The following MAP3K19 variants were observed in gnomAD, a reference collection of about 807,000 sequenced individuals.
MAP3K19 encodes mitogen-activated protein kinase kinase kinase 19.
In MAP3K19, 91 loss-of-function variants were observed where a neutral mutation model predicts 114.4. The ratio of observed to expected loss-of-function variants is 0.80; its 90% CI spans 0.67 to 0.95. The LOEUF (loss-of-function observed/expected upper bound fraction) is 0.95, where lower values mean the gene tolerates loss of function less well. MAP3K19 is among the 40% of genes least tolerant of loss of function. The pLI is 0.00. For synonymous variants in MAP3K19, 518 were observed against 530.5 expected, an observed-to-expected ratio of 0.98 and a Z score of 0.32; for missense variants, 1,471 against 1,573.2, an observed-to-expected ratio of 0.94 and a Z score of 1.10.
intron 1 of MAP3K19, among the ~76,000 whole-genome samples, chr2:135,044,498 G>C (rs1403905109): frequency 6.6e-6 from 1 of 152,206 alleles, no homozygotes; most frequent in African/African-American, 2.4e-5. Context: ...GCTGAGGCAG[G>C]AGAATCACTT....
Position 134,986,684 on chromosome 2 carries a change from A to G in MAP3K19, c.2188T>C (p.Phe730Leu), listed in dbSNP as rs1304861395. Residue 730 changes from phenylalanine (F) to leucine (L), a missense_variant, in exon 10 of 13, where the codon TTT becomes CTT. By Grantham distance (22) the Phe-to-Leu change is conservative. Coordinates refer to ENST00000392915, the MANE Select transcript of MAP3K19 (RefSeq NM_025052.5). Reference sequence around the variant, plus strand: ...ACTTTGTGCTCTTGTTTAATGCCAAATGAAGTCTTTGGGCATTTCATATGT... The same window carrying G: ...ACTTTGTGCTCTTGTTTAATGCCAAGTGAAGTCTTTGGGCATTTCATATGT... ...KTHMKCPKTS[F>L]GIKQEHKVLI... 2 of 1,614,158 alleles carry G rather than the reference A, an allele frequency of 1.2e-6. No individual in the cohort carries two copies. Among genetic ancestry groups the G allele is most frequent in the Admixed American group, 1.7e-5 (1 of 60,018 alleles).
intron 5 of MAP3K19, among the ~76,000 whole-genome samples, chr2:135,006,582 G>A (rs183579935): frequency 2.6e-5 from 4 of 152,068 alleles, no homozygotes; most frequent in African/African-American, 9.6e-5. Context: ...GGCTGAGGCG[G>A]GTGGATCACT....
intron 12 of MAP3K19, among the ~76,000 whole-genome samples, chr2:134,969,177 G>A (rs1470439537): frequency 1.5e-5 from 2 of 137,306 alleles, no homozygotes; most frequent in Non-Finnish European, 3.1e-5. Flanking sequence ...GCGAAACCCC[G>A]TCTCCACCAA....
At position 134,965,447 on chromosome 2, in the gene MAP3K19, A is replaced by G. The variant is rs998757836; in HGVS notation, c.3921-531T>C. Among the ~76,000 whole-genome samples, 6 of 152,206 alleles carry G rather than the reference A, an allele frequency of 3.9e-5. No homozygotes were observed. The East Asian group carries it at 9.6e-4, about 24-fold the overall frequency. On this transcript the variant is annotated intron_variant, in intron 12 of 12. Coordinates refer to ENST00000392915, the MANE Select transcript of MAP3K19 (RefSeq NM_025052.5). ...TAGAGGGAGACAGTTGTTCAGTACT[A>G]TTGTGGCATAGTTTTTTTCTTCAAG...
chr2:135,023,285 T>G, intron 4 of MAP3K19: 1 of 361,768 alleles, frequency 2.8e-6, no homozygotes, highest in Non-Finnish European at 5.6e-6. Context: ...CTTCTGATTC[T>G]CCTCCTCCTC....
At chr2:135,042,223 T>C (rs1028946042) in intron 1 of MAP3K19, among the ~76,000 whole-genome samples, 2 of 152,204 alleles carry the variant, frequency 1.3e-5, no homozygotes, top group Admixed American at 6.5e-5. Flanking sequence ...AGGCATTCAT[T>C]GCCAGGTAGT....
At chr2:134,995,394 C>T (rs924124532) in intron 8 of MAP3K19, among the ~76,000 whole-genome samples, 3 of 151,186 alleles carry the variant, frequency 2.0e-5, no homozygotes, top group Admixed American at 1.3e-4. Flanking sequence ...AGCAAGGAGG[C>T]AAGGGAATTC....
At chr2:134,967,838 C>A (rs1002829455) in intron 12 of MAP3K19, among the ~76,000 whole-genome samples, 9 of 151,802 alleles carry the variant, frequency 5.9e-5, no homozygotes, top group African/African-American at 2.2e-4. Context: ...CATACTTTGT[C>A]TCTGTGTCTT....
chr2:135,017,815 T>C (rs966081416), intron 5 of MAP3K19, among the ~76,000 whole-genome samples: 1 of 152,226 alleles, frequency 6.6e-6, no homozygotes, highest in Non-Finnish European at 1.5e-5. Context: ...ACATTTTATA[T>C]TGTGACTTGG....
intron 4 of MAP3K19, chr2:135,023,322 C>T (rs139576010): frequency 4.0e-5 from 17 of 426,226 alleles, no homozygotes; most frequent in African/African-American, 2.9e-4. Flanking sequence ...GATGTCCCCA[C>T]CGCTCCTCTC....
At chr2:135,010,994 C>G (rs1217782488) in intron 5 of MAP3K19, among the ~76,000 whole-genome samples, 1 of 152,058 alleles carries the variant, frequency 6.6e-6, no homozygotes, top group Non-Finnish European at 1.5e-5. Flanking sequence ...GAGTCTATAA[C>G]GAGCCTCTCT....
intron 12 of MAP3K19, among the ~76,000 whole-genome samples, chr2:134,968,963 G>C (rs1177922914): frequency 2.0e-5 from 3 of 152,188 alleles, no homozygotes; most frequent in African/African-American, 7.2e-5. Flanking sequence ...CCGGGCAGAG[G>C]CTGCAATCTG....
At chr2:134,970,348 A>G (rs1209110915) in intron 12 of MAP3K19, among the ~76,000 whole-genome samples, 4 of 151,772 alleles carry the variant, frequency 2.6e-5, no homozygotes, top group Non-Finnish European at 5.9e-5. Context: ...GTTCCCAGGT[A>G]TTTTATTTTA....
intron 9 of MAP3K19, among the ~76,000 whole-genome samples, 168 bp from the exon 10 acceptor site, chr2:134,988,421 C>T (rs1685331235): frequency 6.6e-6 from 1 of 152,134 alleles, no homozygotes. Flanking sequence ...GACAAGATCT[C>T]GCTCTGTCAC....
At chr2:135,035,726 A>G (rs891307089) in intron 2 of MAP3K19, among the ~76,000 whole-genome samples, 2 of 152,148 alleles carry the variant, frequency 1.3e-5, no homozygotes, top group Admixed American at 6.5e-5. Flanking sequence ...GCATGCCTTT[A>G]TGGCTTTGCA....
intron 5 of MAP3K19, among the ~76,000 whole-genome samples, chr2:135,008,863 T>G (rs1207434507): frequency 6.6e-6 from 1 of 152,098 alleles, no homozygotes; most frequent in Non-Finnish European, 1.5e-5. Flanking sequence ...ACTGCAGCCT[T>G]GAACTCCTGG....
intron 8 of MAP3K19, among the ~76,000 whole-genome samples, chr2:134,994,595 C>G (rs1345318336): frequency 3.3e-5 from 5 of 152,176 alleles, no homozygotes; most frequent in Non-Finnish European, 7.4e-5. Context: ...CCATTCAGTG[C>G]CAAGAATGTT....
Position 134,998,730 on chromosome 2 carries a change from C to T in MAP3K19, c.574+8G>A. ...AGGACTCACTGTGGAATTCAATGTT[C>T]AACTTACCTTCAGATTTTCTTTGCT... On this transcript the variant is annotated splice_region_variant and intron_variant, in intron 8 of 12. Transcript: ENST00000392915. 1 of 1,593,216 alleles carries T rather than the reference C, an allele frequency of 6.3e-7. No individual in the cohort carries two copies. The highest frequency in any genetic ancestry group is 8.5e-7 in the Non-Finnish European group (1 of 1,170,344).
intron 2 of MAP3K19, among the ~76,000 whole-genome samples, chr2:135,036,945 G>A (rs907846281): frequency 3.9e-5 from 6 of 152,044 alleles, no homozygotes; most frequent in Non-Finnish European, 7.4e-5. Context: ...TCAGACTGCA[G>A]TAGTTTGAAG....
Sources: allele counts gnomAD v4.1 joint callset (sites outside exome capture counted in the v4.1 genomes callset), GRCh38; gene constraint gnomAD v4.1.1; transcripts MANE v1.5; gene names NCBI Gene and HGNC (gene_info 2026-07-23, HGNC 2026-07-21).